Variants in VPS13A observed in about 807,000 individuals in gnomAD.
VPS13A encodes vacuolar protein sorting 13 homolog A.
Under a neutral mutation model 390.9 loss-of-function variants are expected in VPS13A, and 264 were observed. That is an observed-to-expected ratio of 0.68 (90% confidence interval 0.61 to 0.75). VPS13A has a LOEUF of 0.75. Among genes scored for constraint, VPS13A ranks in the 30% least tolerant of loss-of-function variants. The pLI is 0.00. For missense variants in VPS13A, 3,409 were observed against 3,733.9 expected (o/e 0.91, Z 2.27); for synonymous variants, 1,231 against 1,227.1 (o/e 1.00, Z -0.07).
At chr9:77,375,942 T>C (rs1373486322) in intron 67 of VPS13A, among the ~76,000 whole-genome samples, 2 of 152,134 alleles carry the variant, frequency 1.3e-5, no homozygotes, top group African/African-American at 4.8e-5. Context: ...ATATATGATA[T>C]GCTAAATGGT....
rs1835283927 is a variant in VPS13A, at chr9:77,419,595, A to AAAAT, written c.*3591_*3594dup. The AAAAT allele has an allele frequency of 1.3e-5, 2 of 152,342 alleles. No homozygotes were observed. The highest frequency in any genetic ancestry group is 4.8e-5 in the African/African-American group (2 of 41,572). 9.4% of individuals were successfully genotyped at this position (152,342 alleles called of 1,614,324 possible). On this transcript the variant is annotated 3_prime_UTR_variant, in exon 72 of 72. Coordinates refer to ENST00000360280, the MANE Select transcript of VPS13A (RefSeq NM_033305.3). ...GAAGATGGAATCACTCTTGGTTTCT[A>AAAAT]AAATATTTTTCTTCTCTGCTGTGTA... is the stretch of plus-strand genomic sequence containing the variant.
chr9:77,374,093 G>T (rs937770488), intron 67 of VPS13A, among the ~76,000 whole-genome samples: 2 of 152,060 alleles, frequency 1.3e-5, no homozygotes, highest in African/African-American at 4.8e-5. Context: ...ATGGCATTTT[G>T]TATTTCTTGG....
At chr9:77,278,003 T>G (rs1826787019) in intron 26 of VPS13A, among the ~76,000 whole-genome samples, 1 of 152,196 alleles carries the variant, frequency 6.6e-6, no homozygotes, top group Non-Finnish European at 1.5e-5. Flanking sequence ...TAAACCAACG[T>G]GACAGTGTTC....
intron 70 of VPS13A, among the ~76,000 whole-genome samples, chr9:77,407,289 A>G (rs1834666517): frequency 6.6e-6 from 1 of 152,224 alleles, no homozygotes; most frequent in African/African-American, 2.4e-5. Flanking sequence ...GGCATTAGCA[A>G]TTAAAATATC....
At chr9:77,183,701 A>G (rs1479338851) in intron 1 of VPS13A, among the ~76,000 whole-genome samples, 1 of 152,264 alleles carries the variant, frequency 6.6e-6, no homozygotes, top group Non-Finnish European at 1.5e-5. Context: ...ACATACATCA[A>G]CCATGTTATC....
rs554158390 is a variant in VPS13A at position 77,308,155 on chromosome 9, A to G, written c.4114+57A>G. The G allele has an allele frequency of 1.8e-4, 280 of 1,568,944 alleles. 1 individual carries two copies. Among genetic ancestry groups the G allele is most frequent in the South Asian group, 2.8e-4 (25 of 89,726 alleles). ...TTCCTCTTTCTCTCTTTTTTCTTCT[A>G]TCTTCTTCCCTCCCCTTCCTTCTGT... On this transcript the variant is annotated intron_variant, in intron 35 of 71. Transcript: ENST00000360280.
rs1279233752 is a variant in VPS13A at position 77,418,782 on chromosome 9, T to A, written c.*2776T>A. The A allele has an allele frequency of 1.3e-5, 2 of 152,194 alleles. No homozygotes were observed. The highest frequency in any genetic ancestry group is 6.5e-5 in the Admixed American group (1 of 15,282). The allele number at this position is 152,194 out of a possible 1,614,324, so 9.4% of individuals were successfully genotyped here. A position where few individuals can be genotyped will look rare whatever the true frequency, so the allele number is the denominator to read the frequency against. ...TATCATAATTATCTCTCTCATTTCT[T>A]CCAATAGTAATAGCGGTAATATTGT... is the stretch of plus-strand genomic sequence containing the variant. On this transcript the variant is annotated 3_prime_UTR_variant, in exon 72 of 72. Coordinates refer to ENST00000360280, the MANE Select transcript of VPS13A (RefSeq NM_033305.3).
intron 54 of VPS13A, among the ~76,000 whole-genome samples, chr9:77,356,149 T>C (rs1831767078): frequency 6.6e-6 from 1 of 152,224 alleles, no homozygotes; most frequent in Non-Finnish European, 1.5e-5. Flanking sequence ...AATGTGTTCC[T>C]GACATGCCAG....
chr9:77,325,282 G>T (rs916556210), intron 45 of VPS13A, among the ~76,000 whole-genome samples: 1 of 152,102 alleles, frequency 6.6e-6, no homozygotes, highest in African/African-American at 2.4e-5. Context: ...GCTTCCTGCC[G>T]TGCAGCCCAC....
At chr9:77,198,392 A>G (rs1825125032) in intron 1 of VPS13A, among the ~76,000 whole-genome samples, 1 of 152,148 alleles carries the variant, frequency 6.6e-6, no homozygotes, top group Non-Finnish European at 1.5e-5. Context: ...CATTTTCACC[A>G]TGTACCATGT....
chr9:77,289,987 G>T (rs1379074599), intron 31 of VPS13A, among the ~76,000 whole-genome samples: 1 of 152,004 alleles, frequency 6.6e-6, no homozygotes, highest in Non-Finnish European at 1.5e-5. Context: ...CACCATGTTG[G>T]CCAGGCTGGT....
In VPS13A at chr9:77,272,198, G is replaced by A. The variant is rs567813661; in HGVS notation, c.2428-1082G>A. ...TTAAAACTAGGATGACATGGCCAAT[G>A]AGACTGATATAATTTGAAATCTTTG... On this transcript the variant is annotated intron_variant, in intron 23 of 71. Coordinates refer to ENST00000360280, the MANE Select transcript of VPS13A (RefSeq NM_033305.3). Among the ~76,000 whole-genome samples, 3 of 152,286 alleles carry A rather than the reference G, an allele frequency of 2.0e-5. No individual in the cohort carries two copies. In the East Asian group the frequency reaches 5.8e-4, roughly 29 times the overall value.
chr9:77,295,977 CTTCCTT>C (rs1827974107), intron 33 of VPS13A, 131 bp downstream of exon 33: 1 of 984,464 alleles, frequency 1.0e-6, no homozygotes, highest in African/African-American at 1.6e-5. Flanking sequence ...GTGATTCTCT[CTTCCTT>C]AAGTATATTT....
intron 1 of VPS13A, among the ~76,000 whole-genome samples, chr9:77,194,175 G>A (rs528208359): frequency 3.2e-4 from 49 of 152,248 alleles, no homozygotes; most frequent in African/African-American, 1.2e-3. Context: ...ACAGTGCGGG[G>A]AAGCTGTGCG....
intron 31 of VPS13A, among the ~76,000 whole-genome samples, chr9:77,287,330 T>G (rs1176378091): frequency 6.6e-6 from 1 of 151,630 alleles, no homozygotes. Context: ...GCCTCCTGAG[T>G]AGCTAGGACT....
intron 13 of VPS13A, among the ~76,000 whole-genome samples, chr9:77,225,622 T>C (rs1250370194): frequency 1.3e-5 from 2 of 152,196 alleles, no homozygotes. Flanking sequence ...ATAAAATCAT[T>C]TTAAACAATG....
intron 33 of VPS13A, among the ~76,000 whole-genome samples, chr9:77,297,204 G>C (rs1165747668): frequency 6.6e-6 from 1 of 151,498 alleles, no homozygotes; most frequent in Non-Finnish European, 1.5e-5. Flanking sequence ...TAAGATTATT[G>C]ATTTGAAACA....
intron 34 of VPS13A, among the ~76,000 whole-genome samples, chr9:77,304,942 C>CT (rs577555061): frequency 0.019 from 2,752 of 141,702 alleles, 49 homozygotes; most frequent in East Asian, 0.064. Context: ...GACTTTTTTT[C>CT]TTTTTTTTTT....
At chr9:77,262,410 C>T (rs1825808200) in intron 23 of VPS13A, among the ~76,000 whole-genome samples, 1 of 152,026 alleles carries the variant, frequency 6.6e-6, no homozygotes, top group Non-Finnish European at 1.5e-5. Flanking sequence ...AAACTTGAAA[C>T]ATTCCAAAAA....
Sources: gnomAD v4.1 joint callset for allele counts (sites outside exome capture counted in the v4.1 genomes callset) on GRCh38, gnomAD v4.1.1 for gene constraint, MANE v1.5 for transcripts, NCBI Gene and HGNC (gene_info 2026-07-23, HGNC 2026-07-21) for gene names.